The following KCNAB2 variants were observed in gnomAD, a reference collection of about 807,000 sequenced individuals.
The protein encoded by KCNAB2 is potassium voltage-gated channel subfamily A regulatory beta subunit 2, also known as voltage-gated potassium channel subunit beta-2.
In KCNAB2, 29 loss-of-function variants were observed where a neutral mutation model predicts 63.6. The ratio of observed to expected loss-of-function variants is 0.46; its 90% confidence interval spans 0.34 to 0.62. KCNAB2 has a LOEUF of 0.62. KCNAB2 is among the 20% of genes least tolerant of loss of function. The pLI is 0.01. For synonymous variants in KCNAB2, 222 were observed against 224.2 expected (o/e 0.99, Z 0.09); for missense variants, 359 against 563.9 (o/e 0.64, Z 3.68).
intron 2 of KCNAB2, among the ~76,000 whole-genome samples, chr1:6,064,102 G>A (rs1447245536): frequency 6.6e-6 from 1 of 152,234 alleles, no homozygotes. Context: ...AGAGTGCAGA[G>A]AATGCGTAAG....
At chr1:6,093,312 G>A (rs1571101166) in intron 10 of KCNAB2, among the ~76,000 whole-genome samples, 2 of 152,214 alleles carry the variant, frequency 1.3e-5, no homozygotes, top group African/African-American at 2.4e-5. Context: ...CACTGTATCC[G>A]ACCCGTGAGA....
Position 6,073,633 on chromosome 1 carries a change from G to A in KCNAB2, c.263-100G>A, listed in dbSNP as rs963487638. ...CACAGAGCAGCACAGAGGGACACCT[G>A]TGGCTGCCCCCTGTGCCCTACAGCC... On this transcript the variant is annotated intron_variant, in intron 3 of 15. Coordinates refer to ENST00000378083, the MANE Select transcript of KCNAB2 (RefSeq NM_001199862.2). This position sits in a 1 kb window ranked among gnomAD's most constrained non-coding sequence, Gnocchi z 5.7. 1 of 1,088,174 alleles carries A rather than the reference G, an allele frequency of 9.2e-7. No homozygotes were observed. Among genetic ancestry groups the A allele is most frequent in the Admixed American group, 1.7e-5 (1 of 58,934 alleles). 67.4% of individuals were successfully genotyped at this position (1,088,174 alleles called of 1,614,324 possible).
chr1:5,993,753 TCCCCA>T (rs1362381819), intron 1 of KCNAB2, among the ~76,000 whole-genome samples: 2 of 152,148 alleles, frequency 1.3e-5, no homozygotes, highest in Admixed American at 6.5e-5. Flanking sequence ...TCTCCTTCCC[TCCCCA>T]CCCCCACTTT....
chr1:6,041,809 T>G (rs749566295), upstream of KCNAB2: 1 of 1,610,092 alleles, frequency 6.2e-7, no homozygotes, highest in East Asian at 2.2e-5. Flanking sequence ...CCTTTTTCTC[T>G]TTTCTCCATT....
intron 1 of KCNAB2, among the ~76,000 whole-genome samples, chr1:6,009,509 A>G (rs1658027380): frequency 6.6e-6 from 1 of 152,260 alleles, no homozygotes; most frequent in African/African-American, 2.4e-5. Flanking sequence ...CTGGCCTGGA[A>G]CACACTGTCC....
chr1:6,076,568 G>C (rs1005337275), intron 4 of KCNAB2, among the ~76,000 whole-genome samples: 1 of 152,244 alleles, frequency 6.6e-6, no homozygotes, highest in African/African-American at 2.4e-5. Context: ...GGAGGCAGGT[G>C]CTATTCCCAG....
intron 2 of KCNAB2, among the ~76,000 whole-genome samples, chr1:6,072,250 T>C (rs3789545): frequency 0.5 from 76,740 of 151,996 alleles, 20,489 homozygotes; most frequent in African/African-American, 0.69. Flanking sequence ...CTGGCAGCCC[T>C]ACCATGGAGC....
rs1037025388 is a variant in KCNAB2, at chr1:6,071,811, C to T, written c.219-944C>T. Among the ~76,000 whole-genome samples, 8 of 149,302 alleles carry T rather than the reference C, an allele frequency of 5.4e-5. No individual in the cohort carries two copies. Among genetic ancestry groups the T allele is most frequent in the East Asian group, 2.0e-4 (1 of 5,050 alleles). On this transcript the variant is annotated intron_variant, in intron 2 of 15. Coordinates refer to ENST00000378083, the MANE Select transcript of KCNAB2 (RefSeq NM_001199862.2). The surrounding 1 kb of genome is among the most constrained non-coding windows in gnomAD (Gnocchi z 8.5). ...CTGCCACATAGGGCACCTCCTGCCG[C>T]GAGGGCACCTCCTGCCGCATAGGGC...
chr1:6,040,664 A>G, intron 2 of KCNAB2: 3 of 1,510,596 alleles, frequency 2.0e-6, no homozygotes, highest in Non-Finnish European at 2.8e-6. Context: ...CTGCCCCCTC[A>G]CCCAGGCCCC....
intron 1 of KCNAB2, chr1:6,025,863 CA>C (rs1557941066): frequency 1.5e-3 from 229 of 151,334 alleles, no homozygotes; most frequent in African/African-American, 5.2e-3. Flanking sequence ...TCCCGGCACA[CA>C]GCCGATCCCG....
intron 8 of KCNAB2, 136 bp downstream of exon 8, chr1:6,089,187 G>A: frequency 2.1e-6 from 2 of 950,374 alleles, no homozygotes; most frequent in African/African-American, 1.6e-5. Context: ...CGGTGCTCTG[G>A]CCTGACCTTC....
At chr1:6,093,883 C>T (rs1346689638) in intron 10 of KCNAB2, among the ~76,000 whole-genome samples, 1 of 152,230 alleles carries the variant, frequency 6.6e-6, no homozygotes, top group Non-Finnish European at 1.5e-5. Flanking sequence ...GCCACATCTC[C>T]TTATCCAGCC....
chr1:6,030,929 T>G (rs893457435), upstream of KCNAB2, among the ~76,000 whole-genome samples: 2 of 148,968 alleles, frequency 1.3e-5, no homozygotes, highest in Non-Finnish European at 3.0e-5. Flanking sequence ...TGTGTAGGGG[T>G]GTGTGTGTGT....
At chr1:6,008,607 G>A (rs1202377115) in intron 1 of KCNAB2, among the ~76,000 whole-genome samples, 4 of 136,336 alleles carry the variant, frequency 2.9e-5, no homozygotes, top group East Asian at 4.3e-4. Flanking sequence ...GCCTGGAGAC[G>A]GAGCGAGACT....
Position 6,094,397 on chromosome 1 carries a change from CAG to C in KCNAB2, c.648_649del. 1 of 1,608,080 alleles carries C rather than the reference CAG, an allele frequency of 6.2e-7. No individual in the cohort carries two copies. The highest frequency in any genetic ancestry group is 8.5e-7 in the Non-Finnish European group (1 of 1,177,848). On this transcript the variant is annotated splice_acceptor_variant, in intron 10 of 15. Coordinates refer to ENST00000378083, the MANE Select transcript of KCNAB2 (RefSeq NM_001199862.2). LOFTEE classifies it high-confidence loss of function. ...CCTGCGGTTTCCCTTTCTCTCACGA[CAG>C]AGACCGTCCGCGCCATGACCCACGT...
rs1465993336 is a variant in KCNAB2, at chr1:6,095,322, G to A, written c.733-1G>A. 1 of 1,612,110 alleles carries A rather than the reference G, an allele frequency of 6.2e-7. No homozygotes were observed. Among genetic ancestry groups the A allele is most frequent in the African/African-American group, 1.3e-5 (1 of 75,046 alleles). On this transcript the variant is annotated splice_acceptor_variant, in intron 11 of 15. Transcript: ENST00000378083. LOFTEE classifies it high-confidence loss of function. ...CTCGGGGTCCCTTTCTGCCTTCACAGGAGGCCTACTCCGTGGCCCGGCAGT... is the reference window on the plus strand; with the variant it reads ...CTCGGGGTCCCTTTCTGCCTTCACAAGAGGCCTACTCCGTGGCCCGGCAGT...
rs6684522 is a variant in KCNAB2, at chr1:6,024,205, G to C, written c.-52-16312G>C. On this transcript the variant is annotated intron_variant, in intron 1 of 16. Transcript: ENST00000341524. The surrounding 1 kb of genome is among the most constrained non-coding windows in gnomAD (Gnocchi z 5.4). ...GATCCACCCATCTCGGCCTCCCAAAGTTCTGGGATTACAGGCGTGAGACAC... is the reference window on the plus strand; with the variant it reads ...GATCCACCCATCTCGGCCTCCCAAACTTCTGGGATTACAGGCGTGAGACAC... 0.028 allele frequency among the ~76,000 whole-genome samples: 4,267 copies of C among 152,146 alleles called. 212 individuals are homozygous for C. Among genetic ancestry groups the C allele is most frequent in the African/African-American group, 0.097 (4,043 of 41,468 alleles).
chr1:6,099,865 G>A lies in KCNAB2; in HGVS notation c.*1291G>A, dbSNP rs757191420. ...CAGGACAGGCCAGAGTGACGCCCCC[G>A]TGCAGCTTGGGCCGGAGGGCAAGGG... On this transcript the variant is annotated 3_prime_UTR_variant, in exon 16 of 16. Coordinates refer to ENST00000378083, the MANE Select transcript of KCNAB2 (RefSeq NM_001199862.2). 9.7e-6 allele frequency: 15 copies of A among 1,549,354 alleles called. No individual in the cohort carries two copies. Among genetic ancestry groups the A allele is most frequent in the Admixed American group, 7.9e-5 (4 of 50,926 alleles).
chr1:6,084,256 G>C (rs1287411358), intron 5 of KCNAB2, among the ~76,000 whole-genome samples: 1 of 152,250 alleles, frequency 6.6e-6, no homozygotes, highest in African/African-American at 2.4e-5. Flanking sequence ...GCAAGGCTGG[G>C]ACGGCCGCCC....
Sources: gnomAD v4.1 joint callset for allele counts (sites outside exome capture counted in the v4.1 genomes callset) on GRCh38, gnomAD v4.1.1 for gene constraint, Gnocchi (gnomAD v3.1) non-coding constraint, MANE v1.5 for transcripts, NCBI Gene and HGNC (gene_info 2026-07-23, HGNC 2026-07-21) for gene names.